SNX29: variants seen among roughly 807,000 people sequenced by gnomAD.
SNX29 encodes the protein sorting nexin-29.
In SNX29, 78 loss-of-function variants were observed where a neutral mutation model predicts 102.1. The observed-to-expected ratio is 0.76, with a 90% CI of 0.64 to 0.92. The LOEUF is 0.92. Among genes scored for constraint, SNX29 ranks in the 40% least tolerant of loss-of-function variants. The pLI is 0.00. For synonymous variants in SNX29, 580 were observed against 414.5 expected (o/e 1.40, Z -4.85); for missense variants, 1,280 against 1,061.7 (o/e 1.21, Z -2.86).
chr16:12,039,665 T>C (rs1443555584), intron 4 of SNX29, among the ~76,000 whole-genome samples: 4 of 152,256 alleles, frequency 2.6e-5, no homozygotes, highest in Non-Finnish European at 5.9e-5. Context: ...AAGCCAGGTC[T>C]GACTGTAAAG....
chr16:12,230,793 A>G (rs2077744823), intron 14 of SNX29, among the ~76,000 whole-genome samples: 1 of 151,994 alleles, frequency 6.6e-6, no homozygotes, highest in Non-Finnish European at 1.5e-5. Flanking sequence ...TCTTAAGAAT[A>G]AAAATGTTTC....
chr16:12,337,520 T>C (rs1206017298), intron 15 of SNX29, among the ~76,000 whole-genome samples: 5 of 152,112 alleles, frequency 3.3e-5, no homozygotes, highest in Non-Finnish European at 5.9e-5. Flanking sequence ...TTTTATATTT[T>C]CTGTAGAGAC....
intron 18 of SNX29, among the ~76,000 whole-genome samples, chr16:12,464,460 T>G (rs1019760417): frequency 1.3e-5 from 2 of 152,194 alleles, no homozygotes; most frequent in South Asian, 4.2e-4. Flanking sequence ...TATTTTTCAG[T>G]TAGTTAATTT....
chr16:12,227,284 C>T (rs78738482), intron 14 of SNX29, among the ~76,000 whole-genome samples: 2,549 of 152,336 alleles, frequency 0.017, 73 homozygotes, highest in African/African-American at 0.059. Context: ...GCATTTCTCA[C>T]CTTTTCCTTT....
At chr16:12,312,142 A>T (rs1481992151) in intron 15 of SNX29, among the ~76,000 whole-genome samples, 1 of 152,178 alleles carries the variant, frequency 6.6e-6, no homozygotes, top group African/African-American at 2.4e-5. Context: ...TCCAGCTACA[A>T]CTTGGTGGGT....
chr16:12,335,281 C>G (rs918074307), intron 15 of SNX29, among the ~76,000 whole-genome samples: 1 of 152,080 alleles, frequency 6.6e-6, no homozygotes, highest in South Asian at 2.1e-4. Context: ...GGAAAAGATT[C>G]TTTAATTTTA....
At chr16:12,385,890 C>T (rs1343341904) in intron 16 of SNX29, among the ~76,000 whole-genome samples, 1 of 152,200 alleles carries the variant, frequency 6.6e-6, no homozygotes, top group East Asian at 1.9e-4. Context: ...TGTGCAGCCT[C>T]CTGGGCTCAG....
intron 20 of SNX29, among the ~76,000 whole-genome samples, chr16:12,548,423 C>G (rs926726814): frequency 3.3e-5 from 5 of 152,232 alleles, no homozygotes; most frequent in Non-Finnish European, 7.3e-5. Context: ...TGGCTCCCCA[C>G]TGTGCCACAT....
Position 12,395,036 on chromosome 16 carries a change from C to G in SNX29, c.1900-3410C>G, listed in dbSNP as rs185000299. Among the ~76,000 whole-genome samples the G allele has an allele frequency of 1.8e-3, 269 of 152,266 alleles. 1 individual carries two copies. Among genetic ancestry groups the G allele is most frequent in the African/African-American group, 6.1e-3 (254 of 41,546 alleles). On this transcript the variant is annotated intron_variant, in intron 16 of 20. Transcript: ENST00000566228. ...CTGGGGGTGTGGTAATTTTTTTTAC[C>G]ACAATGGGAGGAGGTGTAATTTTTC...
chr16:11,977,133 C>T (rs902332910), intron 1 of SNX29: 1 of 329,416 alleles, frequency 3.0e-6, no homozygotes, highest in Non-Finnish European at 5.5e-6. Context: ...GTTCTGAGAC[C>T]TCCCAGGTCT....
chr16:12,355,613 G>A (rs1383511689), intron 15 of SNX29, among the ~76,000 whole-genome samples: 1 of 152,096 alleles, frequency 6.6e-6, no homozygotes, highest in Admixed American at 6.6e-5. Flanking sequence ...GTAAATTATA[G>A]TTGAATAGTC....
chr16:12,124,251 G>A (rs1447379625), intron 11 of SNX29, among the ~76,000 whole-genome samples: 2 of 151,784 alleles, frequency 1.3e-5, no homozygotes, highest in African/African-American at 4.8e-5. Context: ...AGGTACGTGG[G>A]AGACTGAGGC....
intron 14 of SNX29, among the ~76,000 whole-genome samples, chr16:12,229,840 G>T (rs1372440145): frequency 6.6e-6 from 1 of 152,174 alleles, no homozygotes; most frequent in Non-Finnish European, 1.5e-5. Flanking sequence ...CACTCAGGTA[G>T]CTCAGCTCTG....
chr16:12,565,262 G>C (rs1223261564), intron 20 of SNX29, among the ~76,000 whole-genome samples: 1 of 152,170 alleles, frequency 6.6e-6, no homozygotes, highest in Non-Finnish European at 1.5e-5. Context: ...GCAGTTGCAA[G>C]AGGTTCAGCC....
At chr16:12,443,886 C>T (rs2085919786) in intron 18 of SNX29, among the ~76,000 whole-genome samples, 1 of 152,258 alleles carries the variant, frequency 6.6e-6, no homozygotes, top group Admixed American at 6.5e-5. Flanking sequence ...ACCTTCTTCA[C>T]TGGGGAATGT....
chr16:12,215,662 A>T (rs937007576), intron 14 of SNX29, among the ~76,000 whole-genome samples: 2 of 152,174 alleles, frequency 1.3e-5, no homozygotes, highest in Non-Finnish European at 2.9e-5. Context: ...GCACTTAATT[A>T]GAGTCACTGG....
chr16:12,555,721 C>T (rs1017661997), intron 20 of SNX29, among the ~76,000 whole-genome samples: 3 of 152,100 alleles, frequency 2.0e-5, no homozygotes, highest in African/African-American at 7.2e-5. Flanking sequence ...CTGATTGGCC[C>T]TTTCACTTTT....
At chr16:12,169,124 CTG>C (rs2076084949) in intron 13 of SNX29, among the ~76,000 whole-genome samples, 1 of 152,206 alleles carries the variant, frequency 6.6e-6, no homozygotes, top group Non-Finnish European at 1.5e-5. Context: ...CTGCACAGCT[CTG>C]TGAATATGCT....
Position 12,417,582 on chromosome 16 carries a change from T to C in SNX29, c.2037+14053T>C, listed in dbSNP as rs552931607. Among the ~76,000 whole-genome samples, 23 of 152,098 alleles carry C rather than the reference T, an allele frequency of 1.5e-4. No homozygotes were observed. The South Asian group carries it at 1.7e-3, about 11-fold the overall frequency. On this transcript the variant is annotated intron_variant, in intron 18 of 20. Coordinates refer to ENST00000566228, the MANE Select transcript of SNX29 (RefSeq NM_032167.5). ...TTCTGTTTCCCTCTTTCCTCCTCCT[T>C]CTCATTCCTTTTCCCTATTCCTCAT... is the stretch of plus-strand genomic sequence containing the variant.
Sources: allele counts gnomAD v4.1 joint callset (sites outside exome capture counted in the v4.1 genomes callset), GRCh38; gene constraint gnomAD v4.1.1; transcripts MANE v1.5; gene names NCBI Gene and HGNC (gene_info 2026-07-23, HGNC 2026-07-21).